RNF32: variants seen among roughly 807,000 people sequenced by gnomAD.
RNF32 encodes ring finger protein 32.
Under a neutral mutation model 41.0 loss-of-function variants are expected in RNF32, and 36 were observed. The ratio of observed to expected loss-of-function variants is 0.88; its 90% CI spans 0.67 to 1.16. The LOEUF (loss-of-function observed/expected upper bound fraction) is 1.16, where lower values mean the gene tolerates loss of function less well. RNF32 is among the 50% of genes most tolerant of loss of function. The pLI is 0.00. For synonymous variants in RNF32, 154 were observed against 160.9 expected (o/e 0.96, Z 0.32); for missense variants, 413 against 436.7 (o/e 0.95, Z 0.48).
chr7:156,658,787 A>G, intron 7 of RNF32: 1 of 1,003,372 alleles, frequency 1.0e-6, no homozygotes, highest in Non-Finnish European at 1.5e-6. Context: ...TAGTTAAATC[A>G]TAAAATTAGG....
chr7:156,645,025 T>C (rs917272490), intron 3 of RNF32, among the ~76,000 whole-genome samples: 2 of 151,942 alleles, frequency 1.3e-5, no homozygotes, highest in African/African-American at 4.8e-5. Context: ...AAATAAATAA[T>C]TGAGTAAATA....
In RNF32 at chr7:156,675,763, T is replaced by C. The variant is rs1803800376; in HGVS notation, c.752T>C (p.Ile251Thr). The C allele has an allele frequency of 6.2e-7, 1 of 1,613,152 alleles. No individual in the cohort carries two copies. The highest frequency in any genetic ancestry group is 8.5e-7 in the Non-Finnish European group (1 of 1,179,480). ...AACATTGAAGAGCTCTTTGCAGAAA[T>C]CGATCAGTGCTTGGCCATAAATCGA... ...NTNIEELFAE[I>T]DQCLAINRSV... Residue 251 changes from isoleucine to threonine, a missense_variant, in exon 8 of 9, where the codon ATC (isoleucine) becomes ACC (threonine). Ile to Thr is a moderately conservative substitution (Grantham distance 89, BLOSUM62 -1). Coordinates refer to ENST00000317955, the MANE Select transcript of RNF32 (RefSeq NM_030936.4).
At chr7:156,660,017 G>A (rs1585056807) in intron 7 of RNF32, 2 of 985,480 alleles carry the variant, frequency 2.0e-6, no homozygotes, top group Middle Eastern at 5.2e-4. Context: ...TGGACGTTGG[G>A]TCCGCTGCCC....
rs1458567200 is a variant in RNF32, at chr7:156,669,763, G to C, written c.685-5933G>C. On this transcript the variant is annotated intron_variant, in intron 7 of 8. Coordinates refer to ENST00000317955, the MANE Select transcript of RNF32 (RefSeq NM_030936.4). The surrounding 1 kb of genome is among the most constrained non-coding windows in gnomAD (Gnocchi z 4.2). Reference sequence around the variant, plus strand: ...AAGGGGCCATGGCTGGGCCCCTCCAGCACAGGCGCTTCCTGGGAGCCTCTG... The same window carrying C: ...AAGGGGCCATGGCTGGGCCCCTCCACCACAGGCGCTTCCTGGGAGCCTCTG... Among the ~76,000 whole-genome samples, 1 of 152,214 alleles carries C rather than the reference G, an allele frequency of 6.6e-6. No individual in the cohort carries two copies. Among genetic ancestry groups the C allele is most frequent in the Admixed American group, 6.5e-5 (1 of 15,284 alleles).
rs747285367 is a variant in RNF32, at chr7:156,675,859, T to C, written c.848T>C (p.Val283Ala). 5 of 1,613,072 alleles carry C rather than the reference T, an allele frequency of 3.1e-6. No homozygotes were observed. Among genetic ancestry groups the C allele is most frequent in the Admixed American group, 1.7e-5 (1 of 60,020 alleles). ...ITEEEWEKIQ[V>A]QALRRETHEC... is the part of the protein sequence containing the mutation. ...GAAGAGGAATGGGAGAAAATCCAAG[T>C]GCAGGTAGGTTTGGCTGGCAGCCTG... The change falls in exon 8 of 9, where the codon GTG becomes GCG. Residue 283 changes from valine to alanine, a missense_variant. By Grantham distance (64) the Val-to-Ala change is moderately conservative. Transcript: ENST00000317955.
At chr7:156,668,031 A>G (rs1801620677) in intron 7 of RNF32, among the ~76,000 whole-genome samples, 1 of 152,214 alleles carries the variant, frequency 6.6e-6, no homozygotes, top group East Asian at 1.9e-4. Context: ...GAATATGTAC[A>G]TTTGAGGCAT....
Position 156,677,029 on chromosome 7 carries a change from T to G in RNF32, c.*374T>G, listed in dbSNP as rs1804189960. The stretch of plus-strand genomic sequence containing the variant: ...AATGTTTTCCGCTAATAGTCTGTCC[T>G]AAAGCCTTTGCCATTCCTAATACTC... On this transcript the variant is annotated 3_prime_UTR_variant, in exon 9 of 9. Transcript: ENST00000317955. The G allele has an allele frequency of 1.1e-5, 2 of 180,714 alleles. No individual in the cohort carries two copies. The highest frequency in any genetic ancestry group is 1.1e-4 in the Admixed American group (2 of 18,518). 11.2% of individuals were successfully genotyped at this position (180,714 alleles called of 1,614,324 possible).
intron 1 of RNF32, 54 bp downstream of exon 1, chr7:156,640,865 C>G: frequency 4.8e-6 from 1 of 206,640 alleles, no homozygotes; most frequent in Non-Finnish European, 9.9e-6. Flanking sequence ...GCCAGGCGGG[C>G]GGGGTCCATG....
chr7:156,676,522 T>A lies in RNF32; in HGVS notation c.956T>A (p.Leu319His), dbSNP rs1563107099. The A allele has an allele frequency of 6.2e-7, 1 of 1,614,114 alleles. No homozygotes were observed. Among genetic ancestry groups the A allele is most frequent in the Non-Finnish European group, 8.5e-7 (1 of 1,179,990 alleles). Residue 319 changes from leucine (L) to histidine (H), a missense_variant, in exon 9 of 9, where the codon CTC (leucine) becomes CAC (histidine). Physicochemically the swap from Leu to His is moderately conservative, Grantham distance 99. Coordinates refer to ENST00000317955, the MANE Select transcript of RNF32 (RefSeq NM_030936.4). ...GAGRRSREMA[L>H]LSCSHVFHHA... is the part of the protein sequence containing the mutation. ...GGCAGGCGTTCCAGAGAGATGGCCC[T>A]CCTGTCCTGCTCACATGTGTTCCAC...
At chr7:156,675,346 G>A (rs533963516) in intron 7 of RNF32, among the ~76,000 whole-genome samples, 12 of 152,288 alleles carry the variant, frequency 7.9e-5, no homozygotes, top group African/African-American at 2.2e-4. Flanking sequence ...GGAGGGTCCT[G>A]TGACCCACTT....
At chr7:156,673,474 C>T (rs1048867900) in intron 7 of RNF32, among the ~76,000 whole-genome samples, 3 of 151,990 alleles carry the variant, frequency 2.0e-5, no homozygotes, top group Non-Finnish European at 2.9e-5. Context: ...GAAACGTTAC[C>T]GATTCAAGAC....
At chr7:156,659,351 G>C (rs1427289807) in intron 7 of RNF32, 3 of 986,764 alleles carry the variant, frequency 3.0e-6, no homozygotes, top group Non-Finnish European at 3.6e-6. Flanking sequence ...TGTGTGTTCT[G>C]TTCCTGAGAG....
chr7:156,670,533 AGAAGCCCAAG>A lies in RNF32; in HGVS notation c.685-5153_685-5144del, dbSNP rs1230790319. Among the ~76,000 whole-genome samples the A allele has an allele frequency of 2.6e-5, 4 of 152,250 alleles. No homozygotes were observed. Among genetic ancestry groups the A allele is most frequent in the South Asian group, 2.1e-4 (1 of 4,832 alleles). ...GAAGAAGATACAAGCCACAGATTTA[AGAAGCCCAAG>A]GAAGCCCAATATGATTTTGTTTTAA... On this transcript the variant is annotated intron_variant, in intron 7 of 8. Coordinates refer to ENST00000317955, the MANE Select transcript of RNF32 (RefSeq NM_030936.4). The surrounding 1 kb of genome is among the most constrained non-coding windows in gnomAD (Gnocchi z 4.3).
At chr7:156,643,762 C>T (rs1271854143) in intron 1 of RNF32, 39 bp from the exon 2 acceptor site, 16 of 907,198 alleles carry the variant, frequency 1.8e-5, no homozygotes, top group Non-Finnish European at 2.9e-5. Flanking sequence ...TTTTTCTGTG[C>T]ACTGTAACTT....
At position 156,676,544 on chromosome 7, in the gene RNF32, C is replaced by T; in HGVS notation, c.978C>T (p.Phe326=). 1 of 1,614,158 alleles carries T rather than the reference C, an allele frequency of 6.2e-7. No homozygotes were observed. The highest frequency in any genetic ancestry group is 8.5e-7 in the Non-Finnish European group (1 of 1,180,008). The part of the protein sequence containing the change: ...EMALLSCSHV[F]HHACLLALEE... ...CCCTCCTGTCCTGCTCACATGTGTT[C>T]CACCATGCGTGTCTGCTGGCACTAG... Residue 326 remains phenylalanine (F), a synonymous_variant, in exon 9 of 9, where the codon TTC becomes TTT. Coordinates refer to ENST00000317955, the MANE Select transcript of RNF32 (RefSeq NM_030936.4).
chr7:156,651,245 G>T (rs1436392892), intron 3 of RNF32, among the ~76,000 whole-genome samples: 7 of 136,504 alleles, frequency 5.1e-5, no homozygotes, highest in Non-Finnish European at 7.7e-5. Context: ...ACACAGTCTT[G>T]CTCTGATGCC....
At chr7:156,645,037 A>G (rs1234312143) in intron 3 of RNF32, among the ~76,000 whole-genome samples, 1 of 152,216 alleles carries the variant, frequency 6.6e-6, no homozygotes, top group Non-Finnish European at 1.5e-5. Context: ...GAGTAAATAA[A>G]TGATGGAAAA....
intron 8 of RNF32, 165 bp from the exon 9 acceptor site, chr7:156,676,254 T>C (rs754235445): frequency 1.3e-6 from 2 of 1,536,948 alleles, no homozygotes; most frequent in Non-Finnish European, 1.8e-6. Flanking sequence ...TGTATATATA[T>C]ATGTATATAT....
intron 7 of RNF32, chr7:156,660,192 T>C (rs1563084866): frequency 2.0e-5 from 20 of 985,706 alleles, no homozygotes; most frequent in Non-Finnish European, 2.3e-5. Flanking sequence ...GTCCTGCCCG[T>C]TCCTACTGGT....
Sources: allele counts gnomAD v4.1 joint callset (sites outside exome capture counted in the v4.1 genomes callset), GRCh38; gene constraint gnomAD v4.1.1; non-coding constraint Gnocchi (gnomAD v3.1); transcripts MANE v1.5; gene names NCBI Gene and HGNC (gene_info 2026-07-23, HGNC 2026-07-21).